AK5: variants seen among roughly 807,000 people sequenced by gnomAD.
AK5 encodes the protein adenylate kinase isoenzyme 5.
AK5 carries 27 observed loss-of-function variants against 69.5 expected under a neutral mutation model. That is an observed-to-expected ratio of 0.39 (90% CI 0.29 to 0.54). The LOEUF (loss-of-function observed/expected upper bound fraction) is 0.54. AK5 is among the 20% of genes least tolerant of loss of function. The pLI, the probability that AK5 is intolerant of heterozygous loss-of-function variation, is 0.71. For synonymous variants in AK5, 260 were observed against 244.4 expected, an observed-to-expected ratio of 1.06 and a Z score of -0.60; for missense variants, 531 against 700.4, an observed-to-expected ratio of 0.76 and a Z score of 2.73.
chr1:77,471,386 AGTTATT>A (rs916847421), intron 8 of AK5, among the ~76,000 whole-genome samples: 1 of 152,238 alleles, frequency 6.6e-6, no homozygotes, highest in Non-Finnish European at 1.5e-5. Context: ...AAGTAAATGT[AGTTATT>A]GTTATTGTAA....
intron 10 of AK5, among the ~76,000 whole-genome samples, chr1:77,495,033 C>T (rs549773420): frequency 2.0e-5 from 3 of 152,212 alleles, no homozygotes; most frequent in Admixed American, 1.3e-4. Context: ...CTGCCTGCCT[C>T]GGCCTCCTGA....
intron 13 of AK5, among the ~76,000 whole-genome samples, chr1:77,551,314 G>A (rs1399914235): frequency 6.6e-6 from 1 of 152,036 alleles, no homozygotes; most frequent in Non-Finnish European, 1.5e-5. Flanking sequence ...TTGGTCCTAA[G>A]GAGGATCCCA....
At chr1:77,393,169 A>G (rs1648599909) in intron 6 of AK5, among the ~76,000 whole-genome samples, 1 of 152,078 alleles carries the variant, frequency 6.6e-6, no homozygotes, top group Non-Finnish European at 1.5e-5. Flanking sequence ...AGGCTAGTAA[A>G]ATCTTTTAAA....
At chr1:77,484,526 C>A (rs1225400794) in intron 9 of AK5, among the ~76,000 whole-genome samples, 1 of 152,118 alleles carries the variant, frequency 6.6e-6, no homozygotes, top group Non-Finnish European at 1.5e-5. Context: ...CTTGGTGATT[C>A]ATGAGGAGAG....
At chr1:77,433,391 A>G (rs1651767090) in intron 8 of AK5, among the ~76,000 whole-genome samples, 1 of 152,182 alleles carries the variant, frequency 6.6e-6, no homozygotes, top group African/African-American at 2.4e-5. Context: ...TGATTTGACC[A>G]TACGGTAATC....
chr1:77,438,294 C>CAAAA lies in AK5; in HGVS notation c.1059+20606_1059+20609dup, dbSNP rs56019139. On this transcript the variant is annotated intron_variant, in intron 8 of 13. Transcript: ENST00000354567. ...TTTTGTTTTAACCCTATATTTGGTA[C>CAAAA]AAAAAAAAAAAAAAAAAAAAAAAAA... Among the ~76,000 whole-genome samples, 89 of 52,752 alleles carry CAAAA rather than the reference C, an allele frequency of 1.7e-3. 1 individual carries two copies. The highest frequency in any genetic ancestry group is 2.3e-3 in the African/African-American group (39 of 17,314). 34.6% of individuals were successfully genotyped at this position (52,752 alleles called of 152,430 possible).
intron 8 of AK5, among the ~76,000 whole-genome samples, chr1:77,430,129 T>A (rs796962643): frequency 5.9e-5 from 7 of 119,622 alleles, no homozygotes; most frequent in African/African-American, 1.1e-4. Context: ...TCTATGGAGT[T>A]CAAAAAAAAA....
intron 8 of AK5, among the ~76,000 whole-genome samples, chr1:77,482,594 G>A (rs142082247): frequency 0.01 from 1,543 of 152,078 alleles, 35 homozygotes; most frequent in East Asian, 0.078. Flanking sequence ...CCAACATGGT[G>A]AAACTCTGTC....
chr1:77,291,496 C>T (rs1175363587), intron 2 of AK5, among the ~76,000 whole-genome samples: 1 of 151,950 alleles, frequency 6.6e-6, no homozygotes, highest in Non-Finnish European at 1.5e-5. Context: ...TCTTACCAAC[C>T]CTCCCCTGCA....
intron 5 of AK5, among the ~76,000 whole-genome samples, 161 bp from the exon 6 acceptor site, chr1:77,340,216 C>T (rs1661576685): frequency 6.6e-6 from 1 of 152,144 alleles, no homozygotes. Flanking sequence ...ATGGCTGCTC[C>T]TGGCCTTGGG....
intron 5 of AK5, among the ~76,000 whole-genome samples, chr1:77,323,808 C>T (rs1869469): frequency 0.97 from 148,190 of 152,280 alleles, 72,245 homozygotes; most frequent in East Asian, 1. Flanking sequence ...ATAGATATAA[C>T]ACACACACAG....
intron 2 of AK5, among the ~76,000 whole-genome samples, chr1:77,289,862 C>CAAAAAAAAAAAAAAAAAAAAAAAAA (rs55819317): frequency 1.5e-5 from 1 of 64,700 alleles, no homozygotes; most frequent in Non-Finnish European, 2.7e-5. Context: ...GACTCCGTCT[C>CAAAAAAAAAAAAAAAAAAAAAAAAA]AAAAAAAAAA....
chr1:77,375,313 C>T (rs866541019), intron 6 of AK5, among the ~76,000 whole-genome samples: 1 of 152,292 alleles, frequency 6.6e-6, no homozygotes, highest in East Asian at 1.9e-4. Flanking sequence ...AGCCCATTTA[C>T]GTGCTGTGTT....
At chr1:77,368,673 A>G (rs1336840735) in intron 6 of AK5, among the ~76,000 whole-genome samples, 1 of 152,140 alleles carries the variant, frequency 6.6e-6, no homozygotes, top group African/African-American at 2.4e-5. Flanking sequence ...GCAGCACAGT[A>G]GCATCACCAG....
At chr1:77,367,555 T>TATATATATATATATATATAA in intron 6 of AK5, among the ~76,000 whole-genome samples, 1 of 59,298 alleles carries the variant, frequency 1.7e-5, no homozygotes, top group Non-Finnish European at 2.8e-5. Flanking sequence ...TTTATGTTAT[T>TATATATATATATATATATAA]TTTATATATA....
At chr1:77,443,697 G>GTGTGTGTA (rs1483365098) in intron 8 of AK5, among the ~76,000 whole-genome samples, 23 of 150,956 alleles carry the variant, frequency 1.5e-4, no homozygotes, top group African/African-American at 4.6e-4. Flanking sequence ...GTGTGTGTGT[G>GTGTGTGTA]TGTGTGTGTG....
At chr1:77,434,435 G>GA (rs1278060222) in intron 8 of AK5, among the ~76,000 whole-genome samples, 3 of 152,082 alleles carry the variant, frequency 2.0e-5, no homozygotes, top group Admixed American at 1.3e-4. Flanking sequence ...GGCCCAACTG[G>GA]AAAAATCACA....
At chr1:77,367,569 A>ATATGT (rs1553139694) in intron 6 of AK5, among the ~76,000 whole-genome samples, 537 of 31,638 alleles carry the variant, frequency 0.017, 39 homozygotes, top group Admixed American at 0.025. Flanking sequence ...ATATATATAT[A>ATATGT]TATATATATA....
At chr1:77,385,608 C>A (rs1383302230) in intron 6 of AK5, among the ~76,000 whole-genome samples, 1 of 152,134 alleles carries the variant, frequency 6.6e-6, no homozygotes, top group African/African-American at 2.4e-5. Flanking sequence ...AACGAAAAGG[C>A]CTTTTGAGGA....
Sources: allele counts gnomAD v4.1 joint callset (sites outside exome capture counted in the v4.1 genomes callset), GRCh38; gene constraint gnomAD v4.1.1; transcripts MANE v1.5; gene names NCBI Gene and HGNC (gene_info 2026-07-23, HGNC 2026-07-21).